The following SHLD1 variants were observed in gnomAD, a reference collection of about 807,000 sequenced individuals.
SHLD1 encodes the protein RINN1-REV7-interacting novel NHEJ regulator 3.
Under a neutral mutation model 5.5 loss-of-function variants are expected in SHLD1, and 3 were observed. That is an observed-to-expected ratio of 0.54 (90% CI 0.25 to 1.40). SHLD1 has a LOEUF of 1.40. Among genes scored for constraint, SHLD1 ranks in the 40% most tolerant of loss-of-function variants. The pLI is 0.15. For missense variants in SHLD1, 210 were observed against 244.4 expected (o/e 0.86, Z 0.94); for synonymous variants, 92 against 94.3 (o/e 0.98, Z 0.14).
chr20:5,817,393 T>TC (rs1443408148), intron 2 of SHLD1, among the ~76,000 whole-genome samples: 8 of 117,634 alleles, frequency 6.8e-5, no homozygotes, highest in Non-Finnish European at 9.0e-5. Context: ...CACGGGATAT[T>TC]TTCTCTCTCT....
chr20:5,863,428 T>G lies in SHLD1; in HGVS notation c.583T>G (p.Phe195Val), dbSNP rs140720316. Residue 195 changes from phenylalanine to valine, a missense_variant, in exon 3 of 3, where the codon TTC becomes GTC. Phe to Val is a conservative substitution (Grantham distance 50, BLOSUM62 -1). Transcript: ENST00000303142. The part of the protein sequence containing the change: ...NPGLSKDITH[F>V]LLQQNVMKDL ...AGGACTGTCAAAGGATATTACTCAT[T>G]TCCTCTTGCAGCAGAATGTAATGAA... 2 of 1,610,240 alleles carry G rather than the reference T, an allele frequency of 1.2e-6. No individual in the cohort carries two copies. Among genetic ancestry groups the G allele is most frequent in the Non-Finnish European group, 1.7e-6 (2 of 1,178,318 alleles).
At chr20:5,862,488 T>C (rs1271884103) in intron 2 of SHLD1, among the ~76,000 whole-genome samples, 2 of 152,192 alleles carry the variant, frequency 1.3e-5, no homozygotes, top group Admixed American at 6.5e-5. Flanking sequence ...CATCCAGGAG[T>C]GCCCTGTTAT....
intron 2 of SHLD1, among the ~76,000 whole-genome samples, chr20:5,840,496 GC>G (rs1362527858): frequency 2.6e-5 from 4 of 152,180 alleles, no homozygotes; most frequent in African/African-American, 9.7e-5. Context: ...ATGGATAGTG[GC>G]AGAGGCAGCA....
chr20:5,796,830 GA>G (rs1259266796), intron 2 of SHLD1, among the ~76,000 whole-genome samples: 2,815 of 89,462 alleles, frequency 0.031, 74 homozygotes, highest in African/African-American at 0.095. Context: ...CCCTGTCTCA[GA>G]AAAAAAAAAA....
At chr20:5,836,563 G>C (rs2087791695) in intron 2 of SHLD1, among the ~76,000 whole-genome samples, 2 of 152,068 alleles carry the variant, frequency 1.3e-5, no homozygotes. Context: ...CATTTCCTCT[G>C]CCTGGAATCT....
chr20:5,860,815 G>A (rs1699241), intron 2 of SHLD1, among the ~76,000 whole-genome samples: 108,276 of 147,672 alleles, frequency 0.73, 39,603 homozygotes, highest in African/African-American at 0.8. Context: ...GTGTTCTTGG[G>A]AAGAACTTGG....
chr20:5,827,390 C>T (rs746223042), intron 2 of SHLD1, among the ~76,000 whole-genome samples: 19 of 152,316 alleles, frequency 1.2e-4, no homozygotes, highest in East Asian at 3.9e-4. Flanking sequence ...CCACGTAGTC[C>T]GCCTCCCAAG....
chr20:5,808,007 C>T (rs983536567), intron 2 of SHLD1, among the ~76,000 whole-genome samples: 3 of 152,104 alleles, frequency 2.0e-5, no homozygotes, highest in Non-Finnish European at 2.9e-5. Context: ...TAAGGGCGGG[C>T]GCGGTGGCTC....
At chr20:5,841,329 A>G (rs772579081) in intron 2 of SHLD1, among the ~76,000 whole-genome samples, 1 of 152,200 alleles carries the variant, frequency 6.6e-6, no homozygotes, top group Non-Finnish European at 1.5e-5. Context: ...CCACATAACC[A>G]CTACCTAGAT....
At chr20:5,809,569 A>G (rs1468516673) in intron 2 of SHLD1, among the ~76,000 whole-genome samples, 1 of 152,036 alleles carries the variant, frequency 6.6e-6, no homozygotes, top group Non-Finnish European at 1.5e-5. Flanking sequence ...AGCTGGATGA[A>G]TTATCTTCTA....
In SHLD1 at chr20:5,851,682, A is replaced by G. The variant is rs140229004; in HGVS notation, c.179-11342A>G. On this transcript the variant is annotated intron_variant, in intron 2 of 2. Transcript: ENST00000303142. Reference sequence around the variant, plus strand: ...TTTTATCTAACTCAATATATCCAACATATTTTCATTTTAACATGTAATTGA... The same window carrying G: ...TTTTATCTAACTCAATATATCCAACGTATTTTCATTTTAACATGTAATTGA... 4.4e-3 allele frequency among the ~76,000 whole-genome samples: 673 copies of G among 152,026 alleles called. 7 individuals carry two copies. The highest frequency in any genetic ancestry group is 0.016 in the African/African-American group (649 of 41,492).
chr20:5,758,299 A>G, intron 1 of SHLD1, among the ~76,000 whole-genome samples: 1 of 117,566 alleles, frequency 8.5e-6, no homozygotes, highest in East Asian at 3.0e-4. Context: ...TTAATGTCTC[A>G]GAGAAGGAAA....
Position 5,863,035 on chromosome 20 carries a change from T to A in SHLD1, c.190T>A (p.Leu64Ile), listed in dbSNP as rs147402348. 4 of 1,597,472 alleles carry A rather than the reference T, an allele frequency of 2.5e-6. No homozygotes were observed. In the African/African-American group the frequency reaches 5.4e-5, roughly 22 times the overall value. The change falls in exon 3 of 3, where the codon TTA (leucine) becomes ATA (isoleucine). Residue 64 changes from leucine to isoleucine, a missense_variant. Coordinates refer to ENST00000303142, the MANE Select transcript of SHLD1 (RefSeq NM_152504.4). ...GTTTTGTCTTGCAGACACCAGTAAC[T>A]TAAATATAGAACAAAATAACTCCTG... The part of the protein sequence containing the change: ...SSDVDPDTSN[L>I]NIEQNNSWTA...
At chr20:5,780,113 G>A (rs1985624208) in intron 2 of SHLD1, among the ~76,000 whole-genome samples, 1 of 151,312 alleles carries the variant, frequency 6.6e-6, no homozygotes, top group Non-Finnish European at 1.5e-5. Flanking sequence ...CTAGTAGCTG[G>A]GATTACAGGG....
intron 1 of SHLD1, among the ~76,000 whole-genome samples, chr20:5,762,107 A>G (rs1039909900): frequency 6.6e-6 from 1 of 151,366 alleles, no homozygotes; most frequent in Non-Finnish European, 1.5e-5. Flanking sequence ...TAAAATTTAG[A>G]TGGGTGTGGT....
chr20:5,784,897 G>A (rs560985001), intron 2 of SHLD1, among the ~76,000 whole-genome samples: 65 of 152,264 alleles, frequency 4.3e-4, no homozygotes, highest in African/African-American at 1.5e-3. Flanking sequence ...GTTTTAAAAA[G>A]AAATCCCAAC....
intron 2 of SHLD1, among the ~76,000 whole-genome samples, chr20:5,817,422 C>G (rs1168092822): frequency 2.3e-5 from 3 of 131,782 alleles, no homozygotes; most frequent in East Asian, 2.0e-4. Flanking sequence ...CTCTCTCTCT[C>G]TCTCTCTCTC....
chr20:5,777,509 C>T (rs573592280), intron 2 of SHLD1, among the ~76,000 whole-genome samples: 1 of 151,846 alleles, frequency 6.6e-6, no homozygotes, highest in South Asian at 2.1e-4. Flanking sequence ...ATTGTGGTTC[C>T]CCTGGACTCA....
At chr20:5,764,423 C>T (rs1412870818) in intron 1 of SHLD1, among the ~76,000 whole-genome samples, 3 of 148,408 alleles carry the variant, frequency 2.0e-5, no homozygotes, top group African/African-American at 7.5e-5. Context: ...AGTGAGGTGG[C>T]TTATGCCTGT....
Sources: gnomAD v4.1 joint callset for allele counts (sites outside exome capture counted in the v4.1 genomes callset) on GRCh38, gnomAD v4.1.1 for gene constraint, MANE v1.5 for transcripts, NCBI Gene and HGNC (gene_info 2026-07-23, HGNC 2026-07-21) for gene names.